CDK14: variants seen among roughly 807,000 people sequenced by gnomAD.
CDK14 encodes the protein cyclin dependent kinase 14.
A neutral mutation model predicts 60.7 loss-of-function variants in CDK14; 34 were observed. That is an observed-to-expected ratio of 0.56 (90% CI 0.43 to 0.75). CDK14 has a LOEUF of 0.75. Ranked by LOEUF, CDK14 falls within the 30% of genes least tolerant of loss-of-function variation. CDK14 has a pLI of 0.00. For missense variants in CDK14, 482 were observed against 564.1 expected (o/e 0.85, Z 1.47); for synonymous variants, 197 against 203.7 (o/e 0.97, Z 0.28).
chr7:90,870,945 A>C (rs1161760203), intron 6 of CDK14, among the ~76,000 whole-genome samples: 5 of 152,244 alleles, frequency 3.3e-5, no homozygotes, highest in African/African-American at 1.2e-4. Flanking sequence ...TTAAAACAAG[A>C]ATAGAAATCT....
At chr7:91,173,936 C>A (rs921233968) in intron 14 of CDK14, among the ~76,000 whole-genome samples, 4 of 152,198 alleles carry the variant, frequency 2.6e-5, no homozygotes, top group African/African-American at 9.6e-5. Flanking sequence ...CAGGAAGCTC[C>A]AACTGGGTGG....
intron 10 of CDK14, among the ~76,000 whole-genome samples, chr7:91,040,181 G>A (rs1055799268): frequency 6.6e-6 from 1 of 152,158 alleles, no homozygotes; most frequent in Non-Finnish European, 1.5e-5. Context: ...CAGCACATTC[G>A]TTGTACTGTC....
chr7:90,735,028 T>C (rs1232634339), intron 3 of CDK14, among the ~76,000 whole-genome samples: 2 of 152,184 alleles, frequency 1.3e-5, no homozygotes, highest in East Asian at 1.9e-4. Flanking sequence ...ATGTTGATGC[T>C]GTTCCTTTCT....
intron 5 of CDK14, among the ~76,000 whole-genome samples, chr7:90,842,813 T>C (rs1035247776): frequency 6.6e-6 from 1 of 152,190 alleles, no homozygotes; most frequent in African/African-American, 2.4e-5. Flanking sequence ...GGAACCCTAA[T>C]TTGTAAAATT....
rs772202719 is a variant in CDK14 at position 91,118,142 on chromosome 7, A to T, written c.1372A>T (p.Asn458Tyr). 2 of 1,613,540 alleles carry T rather than the reference A, an allele frequency of 1.2e-6. No individual in the cohort carries two copies. The highest frequency in any genetic ancestry group is 1.3e-5 in the African/African-American group (1 of 74,930). Residue 458 changes from asparagine to tyrosine, a missense_variant, in exon 14 of 15, where the codon AAT becomes TAT. Coordinates refer to ENST00000380050, the MANE Select transcript of CDK14 (RefSeq NM_001287135.2). The stretch of plus-strand genomic sequence containing the variant: ...AAGCATGCGGGCCTTTGGGAAAAAC[A>T]ATAGTTATGGCAAAAGTCTATCAAA... ...GESMRAFGKNNSYGKSLSNSK... is the reference protein window; with the variant it reads ...GESMRAFGKNYSYGKSLSNSK...
chr7:90,975,912 G>GA, intron 9 of CDK14, among the ~76,000 whole-genome samples: 1 of 151,962 alleles, frequency 6.6e-6, no homozygotes, highest in African/African-American at 2.4e-5. Context: ...TGTGCTTGTA[G>GA]ACCATATTTT....
At chr7:90,741,776 A>G (rs1005598386) in intron 3 of CDK14, among the ~76,000 whole-genome samples, 1 of 152,112 alleles carries the variant, frequency 6.6e-6, no homozygotes, top group African/African-American at 2.4e-5. Flanking sequence ...TGGATCAAAT[A>G]TTTCACCATT....
chr7:90,801,371 T>C (rs1383164049), intron 5 of CDK14, among the ~76,000 whole-genome samples: 1 of 152,238 alleles, frequency 6.6e-6, no homozygotes, highest in Non-Finnish European at 1.5e-5. Flanking sequence ...GTTATTGTTA[T>C]TCATTTATTT....
chr7:90,824,085 C>T (rs1041271841), intron 5 of CDK14, among the ~76,000 whole-genome samples: 1 of 152,148 alleles, frequency 6.6e-6, no homozygotes, highest in Non-Finnish European at 1.5e-5. Context: ...GTGATGTGAG[C>T]TTTGTCAGGA....
At chr7:90,727,978 G>A (rs183437541) in intron 3 of CDK14, among the ~76,000 whole-genome samples, 1 of 152,120 alleles carries the variant, frequency 6.6e-6, no homozygotes, top group East Asian at 1.9e-4. Flanking sequence ...GGTGATGGGG[G>A]GTTTGTCATA....
intron 9 of CDK14, among the ~76,000 whole-genome samples, chr7:90,967,128 GGGGAGGTA>G (rs1794774349): frequency 6.9e-6 from 1 of 145,812 alleles, no homozygotes; most frequent in Non-Finnish European, 1.5e-5. Context: ...GAAGGTGGGA[GGGGAGGTA>G]GGGAGGTAGG....
chr7:90,630,552 A>C (rs1333777158), intron 2 of CDK14, among the ~76,000 whole-genome samples: 1 of 152,236 alleles, frequency 6.6e-6, no homozygotes, highest in African/African-American at 2.4e-5. Flanking sequence ...CAAAAGTTGT[A>C]CTTTGACTTA....
At chr7:91,131,543 A>T (rs761089553) in intron 14 of CDK14, among the ~76,000 whole-genome samples, 2 of 152,144 alleles carry the variant, frequency 1.3e-5, no homozygotes, top group Non-Finnish European at 2.9e-5. Context: ...TGAAGAGAGA[A>T]ATTACTCTCA....
chr7:90,794,158 G>A (rs1805947644), intron 5 of CDK14, among the ~76,000 whole-genome samples: 1 of 152,082 alleles, frequency 6.6e-6, no homozygotes, highest in Non-Finnish European at 1.5e-5. Context: ...CAAAAGGGGA[G>A]GGAGTGTATG....
Position 90,708,914 on chromosome 7 carries a change from G to A in CDK14, c.124-17653G>A, listed in dbSNP as rs537334915. Among the ~76,000 whole-genome samples the A allele has an allele frequency of 7.9e-5, 12 of 152,214 alleles. No homozygotes were observed. The South Asian group carries it at 2.5e-3, about 32-fold the overall frequency. ...CGAGGACAGGAACTCCTTTAAAAAA[G>A]AGTGGATCAACCACTCTCCTGTAGG... On this transcript the variant is annotated intron_variant, in intron 2 of 14. Coordinates refer to ENST00000380050, the MANE Select transcript of CDK14 (RefSeq NM_001287135.2).
chr7:90,826,552 G>C (rs1480682160), intron 5 of CDK14, among the ~76,000 whole-genome samples: 1 of 152,078 alleles, frequency 6.6e-6, no homozygotes, highest in African/African-American at 2.4e-5. Context: ...AGTATCCCTG[G>C]CACTGTTGGC....
chr7:91,098,661 A>G (rs1170381454), intron 12 of CDK14, among the ~76,000 whole-genome samples: 1 of 152,136 alleles, frequency 6.6e-6, no homozygotes, highest in African/African-American at 2.4e-5. Context: ...ATCATGTCCA[A>G]TCTGTAAGGA....
At chr7:90,717,564 A>C (rs1184224490) in intron 2 of CDK14, among the ~76,000 whole-genome samples, 1 of 152,108 alleles carries the variant, frequency 6.6e-6, no homozygotes, top group African/African-American at 2.4e-5. Flanking sequence ...TGCCAAAGAA[A>C]CCATGTAGTA....
At chr7:90,656,970 T>C (rs7793980) in intron 2 of CDK14, among the ~76,000 whole-genome samples, 46,418 of 152,010 alleles carry the variant, frequency 0.31, 7,981 homozygotes, top group East Asian at 0.67. Context: ...GATTTATGCC[T>C]CTCTCTGCTG....
Sources: gnomAD v4.1 joint callset for allele counts (sites outside exome capture counted in the v4.1 genomes callset) on GRCh38, gnomAD v4.1.1 for gene constraint, MANE v1.5 for transcripts, NCBI Gene and HGNC (gene_info 2026-07-23, HGNC 2026-07-21) for gene names.